SUV39H2: variants seen among roughly 807,000 people sequenced by gnomAD.
SUV39H2 encodes histone-lysine N-methyltransferase SUV39H2.
In SUV39H2, 10 loss-of-function variants were observed where a neutral mutation model predicts 47.5. The ratio of observed to expected loss-of-function variants is 0.21; its 90% confidence interval spans 0.13 to 0.36. The LOEUF (loss-of-function observed/expected upper bound fraction) is 0.36, where lower values mean the gene tolerates loss of function less well. Among genes scored for constraint, SUV39H2 ranks in the 10% least tolerant of loss-of-function variants. SUV39H2 has a pLI of 1.00. For synonymous variants in SUV39H2, 159 were observed against 166.8 expected, an observed-to-expected ratio of 0.95 and a Z score of 0.36; for missense variants, 266 against 487.4, an observed-to-expected ratio of 0.55 and a Z score of 4.28.
Position 14,897,370 on chromosome 10 carries a change from G to C in SUV39H2, c.702G>C (p.Gln234His). ...TCTATGAATGCAACTCAAGGTGTCA[G>C]TGTGGTCCTGATTGTCCCAATAGGA... is the stretch of plus-strand genomic sequence containing the variant. ...TPIYECNSRC[Q>H]CGPDCPNRIV... Residue 234 changes from glutamine (Q) to histidine (H), a missense_variant, in exon 3 of 6, where the codon CAG becomes CAC. By Grantham distance (24) the Gln-to-His change is conservative. Transcript: ENST00000354919. 6.2e-7 allele frequency: 1 copy of C among 1,613,140 alleles called. No individual in the cohort carries two copies. The highest frequency in any genetic ancestry group is 8.5e-7 in the Non-Finnish European group (1 of 1,179,916).
chr10:14,900,046 C>G (rs193296392), intron 4 of SUV39H2, among the ~76,000 whole-genome samples: 88 of 152,290 alleles, frequency 5.8e-4, no homozygotes, highest in Admixed American at 1.4e-3. Context: ...TGGAAGTTAA[C>G]ACGACTACAT....
At position 14,897,224 on chromosome 10, in the gene SUV39H2, G is replaced by A. The variant is rs1833657337; in HGVS notation, c.556G>A (p.Glu186Lys). 6.2e-7 allele frequency: 1 copy of A among 1,613,844 alleles called. No individual in the cohort carries two copies. The highest frequency in any genetic ancestry group is 8.5e-7 in the Non-Finnish European group (1 of 1,180,034). Residue 186 changes from glutamate (E) to lysine (K), a missense_variant, in exon 3 of 6, where the codon GAA (glutamate) becomes AAA (lysine). This residue lies in a region of SUV39H2 where 91 missense variants were observed against 110.9 expected (regional missense o/e 0.82). Transcript: ENST00000354919. Reference protein sequence around the residue: ...KPAPGISLVNEATFGCSCTDC... With the variant: ...KPAPGISLVNKATFGCSCTDC... ...AGCTCCTGGAATCAGCTTAGTCAATGAAGCTACCTTTGGTTGTTCATGCAC... is the reference window on the plus strand; with the variant it reads ...AGCTCCTGGAATCAGCTTAGTCAATAAAGCTACCTTTGGTTGTTCATGCAC...
At chr10:14,879,005 C>T (rs2131663140) in intron 1 of SUV39H2, 86 bp downstream of exon 1, 1 of 1,326,758 alleles carries the variant, frequency 7.5e-7, no homozygotes. Context: ...CGCGGGCCAG[C>T]CAGATGGCGA....
At chr10:14,883,552 A>G (rs1316269012) in intron 2 of SUV39H2, among the ~76,000 whole-genome samples, 1 of 151,740 alleles carries the variant, frequency 6.6e-6, no homozygotes, top group Non-Finnish European at 1.5e-5. Flanking sequence ...TAAAAATACA[A>G]AAATTAGCCG....
chr10:14,885,442 C>G (rs117671869), intron 2 of SUV39H2, among the ~76,000 whole-genome samples: 2,556 of 152,218 alleles, frequency 0.017, 38 homozygotes, highest in Non-Finnish European at 0.023. Context: ...CTGTCCTTTC[C>G]TGTTCATTCC....
Position 14,902,522 on chromosome 10 carries a change from G to A in SUV39H2, c.*10G>A. On this transcript the variant is annotated 3_prime_UTR_variant, in exon 6 of 6. Coordinates refer to ENST00000354919, the MANE Select transcript of SUV39H2 (RefSeq NM_001193424.2). Reference sequence around the variant, plus strand: ...AGGTTACCTCAACTGAACTTTTTCAGGAAATAGAGCTGATGATTATAATAT... The same window carrying A: ...AGGTTACCTCAACTGAACTTTTTCAAGAAATAGAGCTGATGATTATAATAT... 6.6e-7 allele frequency: 1 copy of A among 1,519,024 alleles called. No individual in the cohort carries two copies. Among genetic ancestry groups the A allele is most frequent in the Non-Finnish European group, 8.9e-7 (1 of 1,122,554 alleles). The allele number at this position is 1,519,024 out of a possible 1,614,324, so 94.1% of individuals were successfully genotyped here. A position where few individuals can be genotyped will look rare whatever the true frequency, so the allele number is the denominator to read the frequency against.
intron 2 of SUV39H2, among the ~76,000 whole-genome samples, chr10:14,886,630 C>T (rs1306575897): frequency 2.0e-5 from 3 of 152,192 alleles, no homozygotes; most frequent in African/African-American, 4.8e-5. Flanking sequence ...TCTGTTGACT[C>T]GTATCTCCTG....
chr10:14,887,909 T>C (rs1266856725), intron 2 of SUV39H2, among the ~76,000 whole-genome samples: 2 of 152,048 alleles, frequency 1.3e-5, no homozygotes, highest in African/African-American at 4.8e-5. Context: ...GAAAGGGATA[T>C]GTGGGAGGGA....
chr10:14,901,299 T>G lies in SUV39H2; in HGVS notation c.1126+37T>G, dbSNP rs767513052. On this transcript the variant is annotated intron_variant, in intron 5 of 5. Transcript: ENST00000354919. ...AAGTACAGTTTCATTGGTGTCAGTTTCAATATGAAGAATCAAATCAGACTA... is the reference window on the plus strand; with the variant it reads ...AAGTACAGTTTCATTGGTGTCAGTTGCAATATGAAGAATCAAATCAGACTA... 12 of 1,611,704 alleles carry G rather than the reference T, an allele frequency of 7.4e-6. No homozygotes were observed. In the African/African-American group the frequency reaches 1.6e-4, roughly 22 times the overall value.
At position 14,879,008 on chromosome 10, in the gene SUV39H2, G is replaced by C. The variant is rs369551521; in HGVS notation, c.31+89G>C. On this transcript the variant is annotated intron_variant, in intron 1 of 5. Coordinates refer to ENST00000354919, the MANE Select transcript of SUV39H2 (RefSeq NM_001193424.2). ...GCGGGGCCGTCCCGCGGGCCAGCCA[G>C]ATGGCGACGTGGCGGTTCCCCGCCC... is the stretch of plus-strand genomic sequence containing the variant. 5.3e-4 allele frequency: 696 copies of C among 1,325,184 alleles called. 7 individuals are homozygous for C. In the East Asian group the frequency reaches 0.021, roughly 40 times the overall value. The allele number at this position is 1,325,184 out of a possible 1,614,324, so 82.1% of individuals were successfully genotyped here.
intron 1 of SUV39H2, chr10:14,879,233 C>A: frequency 1.4e-6 from 1 of 714,490 alleles, no homozygotes; most frequent in Non-Finnish European, 1.8e-6. Flanking sequence ...GGCTTCGAGG[C>A]CGCTCCCCGG....
chr10:14,884,767 A>C (rs1227448640), intron 2 of SUV39H2, among the ~76,000 whole-genome samples: 1 of 152,180 alleles, frequency 6.6e-6, no homozygotes, highest in Non-Finnish European at 1.5e-5. Context: ...CTATGGAGAA[A>C]TTGTCTAGGT....
In SUV39H2 at chr10:14,884,491, C is replaced by T. The variant is rs1375427064; in HGVS notation, c.177+2846C>T. ...GAGAAATGTCTGTTCAGATCCTTTGCGCATTTTAAAAATTGGATTGTCTGT... is the reference window on the plus strand; with the variant it reads ...GAGAAATGTCTGTTCAGATCCTTTGTGCATTTTAAAAATTGGATTGTCTGT... On this transcript the variant is annotated intron_variant, in intron 2 of 5. Transcript: ENST00000354919. Among the ~76,000 whole-genome samples, 8 of 152,124 alleles carry T rather than the reference C, an allele frequency of 5.3e-5. No individual in the cohort carries two copies. In the South Asian group the frequency reaches 6.2e-4, roughly 12 times the overall value.
At chr10:14,887,542 A>T (rs984707855) in intron 2 of SUV39H2, among the ~76,000 whole-genome samples, 4 of 152,214 alleles carry the variant, frequency 2.6e-5, no homozygotes, top group Non-Finnish European at 4.4e-5. Flanking sequence ...GTGGGGCTCA[A>T]ATCAGTAGTG....
rs142307222 is a variant in SUV39H2 at position 14,892,001 on chromosome 10, C to G, written c.178-4845C>G. ...GTTTTTGTTAGAGAAAAGTCCATCGCTTTCATCACATTCTCCAAAGGGATA... is the reference window on the plus strand; with the variant it reads ...GTTTTTGTTAGAGAAAAGTCCATCGGTTTCATCACATTCTCCAAAGGGATA... On this transcript the variant is annotated intron_variant, in intron 2 of 5. Transcript: ENST00000354919. Among the ~76,000 whole-genome samples the G allele has an allele frequency of 1.8e-3, 274 of 152,314 alleles. 1 individual carries two copies. Among genetic ancestry groups the G allele is most frequent in the African/African-American group, 6.5e-3 (268 of 41,548 alleles).
chr10:14,894,360 T>G lies in SUV39H2; in HGVS notation c.178-2486T>G, dbSNP rs1005627148. On this transcript the variant is annotated intron_variant, in intron 2 of 5. Transcript: ENST00000354919. ...AATTTTCAAAAGAAAGCAAAGTTTT[T>G]TTTTTTTTTTTTTTTTTTTTTTTTT... is the stretch of plus-strand genomic sequence containing the variant. 3.7e-4 allele frequency among the ~76,000 whole-genome samples: 32 copies of G among 86,088 alleles called. 5 individuals are homozygous for G. Among genetic ancestry groups the G allele is most frequent in the African/African-American group, 1.6e-3 (26 of 16,190 alleles). 56.5% of individuals were successfully genotyped at this position (86,088 alleles called of 152,430 possible). A position where few individuals can be genotyped will look rare whatever the true frequency, so the allele number is the denominator to read the frequency against.
intron 2 of SUV39H2, among the ~76,000 whole-genome samples, chr10:14,887,790 C>T (rs1408529448): frequency 2.0e-5 from 3 of 152,188 alleles, no homozygotes; most frequent in African/African-American, 7.2e-5. Flanking sequence ...GGACAAAGTA[C>T]TTATTGTAGT....
At chr10:14,893,000 T>A (rs1238578969) in intron 2 of SUV39H2, among the ~76,000 whole-genome samples, 1 of 117,662 alleles carries the variant, frequency 8.5e-6, no homozygotes, top group Non-Finnish European at 1.7e-5. Flanking sequence ...ATTTTTTGTA[T>A]TTTTTTTTTT....
chr10:14,902,748 G>A lies in SUV39H2; in HGVS notation c.*236G>A. 1 of 310,468 alleles carries A rather than the reference G, an allele frequency of 3.2e-6. No homozygotes were observed. The highest frequency in any genetic ancestry group is 5.9e-5 in the South Asian group (1 of 17,058). 19.2% of individuals were successfully genotyped at this position (310,468 alleles called of 1,614,324 possible). On this transcript the variant is annotated 3_prime_UTR_variant, in exon 6 of 6. Coordinates refer to ENST00000354919, the MANE Select transcript of SUV39H2 (RefSeq NM_001193424.2). ...TGCTTAGAGACCAAACTAATGGAAG[G>A]CAGACTATTTACAGCTTAGTATATG...
Sources: gnomAD v4.1 joint callset for allele counts (sites outside exome capture counted in the v4.1 genomes callset) on GRCh38, gnomAD v4.1.1 for gene constraint, gnomAD v4.1.1 regional missense constraint, MANE v1.5 for transcripts, NCBI Gene and HGNC (gene_info 2026-07-23, HGNC 2026-07-21) for gene names.